Variants in CRADD observed in about 807,000 individuals in gnomAD.
CRADD encodes the protein death domain-containing protein CRADD.
Under a neutral mutation model 15.5 loss-of-function variants are expected in CRADD, and 9 were observed. The observed-to-expected ratio is 0.58, with a 90% CI of 0.35 to 1.01. The LOEUF is 1.01. CRADD is among the 50% of genes least tolerant of loss of function. CRADD has a pLI of 0.02. For missense variants in CRADD, 227 were observed against 250.3 expected, an observed-to-expected ratio of 0.91 and a Z score of 0.63; for synonymous variants, 118 against 107.6, an observed-to-expected ratio of 1.10 and a Z score of -0.60.
chr12:93,839,528 G>A (rs1471169947), intron 2 of CRADD, among the ~76,000 whole-genome samples: 2 of 152,200 alleles, frequency 1.3e-5, no homozygotes, highest in African/African-American at 4.8e-5. Flanking sequence ...CTGCCAACTT[G>A]CTGGCCAGTA....
At chr12:93,782,577 G>A (rs1460391715) in intron 2 of CRADD, among the ~76,000 whole-genome samples, 2 of 149,580 alleles carry the variant, frequency 1.3e-5, no homozygotes, top group East Asian at 2.0e-4. Flanking sequence ...CTGGGCAACA[G>A]CGAGACTCCG....
At chr12:93,748,714 G>C (rs73220819) in intron 2 of CRADD, among the ~76,000 whole-genome samples, 2 of 152,362 alleles carry the variant, frequency 1.3e-5, no homozygotes, top group Non-Finnish European at 2.9e-5. Context: ...CTGACTGAGG[G>C]ATCCAGTCCC....
intron 2 of CRADD, among the ~76,000 whole-genome samples, chr12:93,679,704 A>G (rs1167985431): frequency 6.6e-6 from 1 of 152,218 alleles, no homozygotes; most frequent in East Asian, 1.9e-4. Flanking sequence ...GCCAGGTCAT[A>G]TCTCAGCCGT....
chr12:93,726,689 C>G (rs568022079), intron 2 of CRADD, among the ~76,000 whole-genome samples: 1 of 152,004 alleles, frequency 6.6e-6, no homozygotes, highest in South Asian at 2.1e-4. Flanking sequence ...TACTTTTTTC[C>G]TCATTTTTTT....
At chr12:93,794,422 A>G (rs1565916641) in intron 2 of CRADD, among the ~76,000 whole-genome samples, 1 of 152,074 alleles carries the variant, frequency 6.6e-6, no homozygotes, top group Non-Finnish European at 1.5e-5. Context: ...ATCTCAGTAA[A>G]TAACACTGTT....
At chr12:93,685,980 C>T (rs765841864) in intron 2 of CRADD, among the ~76,000 whole-genome samples, 4 of 149,432 alleles carry the variant, frequency 2.7e-5, no homozygotes, top group East Asian at 2.0e-4. Flanking sequence ...GGGACAAGAG[C>T]GAAACTTCGT....
intron 2 of CRADD, chr12:93,859,351 AG>A (rs1219174373): frequency 5.0e-5 from 23 of 455,860 alleles, no homozygotes; most frequent in Non-Finnish European, 8.8e-5. Context: ...ATGGGGAGGA[AG>A]GGAATCACCA....
At chr12:93,891,780 C>A (rs7957728) in intron 2 of CRADD, among the ~76,000 whole-genome samples, 49,586 of 151,984 alleles carry the variant, frequency 0.33, 8,318 homozygotes, top group African/African-American at 0.42. Context: ...ACTTGAATGC[C>A]GGTCAGATTT....
chr12:93,867,941 G>A (rs1028178572), intron 2 of CRADD, among the ~76,000 whole-genome samples: 3 of 152,174 alleles, frequency 2.0e-5, no homozygotes, highest in Non-Finnish European at 1.5e-5. Flanking sequence ...AACAGCAAAA[G>A]AGGACTTGAC....
intron 2 of CRADD, among the ~76,000 whole-genome samples, chr12:93,840,032 A>G (rs764564464): frequency 1.1e-4 from 17 of 152,208 alleles, no homozygotes; most frequent in Non-Finnish European, 2.2e-4. Context: ...CTTTATCTCC[A>G]TGGGATCCAC....
intron 2 of CRADD, among the ~76,000 whole-genome samples, chr12:93,750,944 C>T (rs1450170984): frequency 6.6e-6 from 1 of 152,166 alleles, no homozygotes; most frequent in Non-Finnish European, 1.5e-5. Flanking sequence ...GGGACTCTGT[C>T]TTTGTAGAAG....
chr12:93,872,921 A>G (rs1958433046), intron 2 of CRADD, among the ~76,000 whole-genome samples: 1 of 151,292 alleles, frequency 6.6e-6, no homozygotes, highest in Admixed American at 6.6e-5. Context: ...AAATTTTAGG[A>G]TTTTTTTTCT....
At chr12:93,699,573 A>G (rs959881299) in intron 2 of CRADD, among the ~76,000 whole-genome samples, 1 of 152,208 alleles carries the variant, frequency 6.6e-6, no homozygotes, top group Non-Finnish European at 1.5e-5. Flanking sequence ...TGTATTTTTT[A>G]CATCCCCCCA....
chr12:93,759,440 T>C (rs1956925787), intron 2 of CRADD, among the ~76,000 whole-genome samples: 1 of 152,160 alleles, frequency 6.6e-6, no homozygotes, highest in South Asian at 2.1e-4. Flanking sequence ...AAAAATCTTC[T>C]CTTAGATTCT....
chr12:93,772,177 G>C (rs149873134), intron 2 of CRADD, among the ~76,000 whole-genome samples: 132 of 152,306 alleles, frequency 8.7e-4, no homozygotes, highest in African/African-American at 3.0e-3. Flanking sequence ...TGACTGTTCA[G>C]AGTGTGTTTG....
chr12:93,678,867 C>T lies in CRADD; in HGVS notation c.93C>T (p.Tyr31=). Residue 31 remains tyrosine, a synonymous_variant, in exon 2 of 3, where the codon TAC becomes TAT. Coordinates refer to ENST00000332896, the MANE Select transcript of CRADD (RefSeq NM_003805.5). ...LVEGLVLQYL[Y]QEGILTENHI... is the part of the protein sequence containing the mutation. ...AGGGACTGGTTCTTCAGTACCTCTACCAGGAAGGAATCTTGACGGAAAACC... is the reference window on the plus strand; with the variant it reads ...AGGGACTGGTTCTTCAGTACCTCTATCAGGAAGGAATCTTGACGGAAAACC... 6.2e-7 allele frequency: 1 copy of T among 1,614,174 alleles called. No homozygotes were observed. The highest frequency in any genetic ancestry group is 8.5e-7 in the Non-Finnish European group (1 of 1,180,022).
intron 2 of CRADD, among the ~76,000 whole-genome samples, chr12:93,863,103 C>G (rs548856756): frequency 6.6e-6 from 1 of 152,052 alleles, no homozygotes; most frequent in East Asian, 1.9e-4. Context: ...GACTTGTATC[C>G]TTGCAAAATA....
chr12:93,845,983 C>G (rs1035673515), intron 2 of CRADD, among the ~76,000 whole-genome samples: 5 of 150,904 alleles, frequency 3.3e-5, no homozygotes, highest in African/African-American at 1.2e-4. Context: ...ATTCTGCTTT[C>G]TGTATCTGAA....
intron 2 of CRADD, among the ~76,000 whole-genome samples, chr12:93,820,411 CG>C (rs1565926731): frequency 6.6e-6 from 1 of 151,892 alleles, no homozygotes; most frequent in Non-Finnish European, 1.5e-5. Flanking sequence ...TAGCTGGGCA[CG>C]GTGGTTGGCA....
Sources: gnomAD v4.1 joint callset for allele counts (sites outside exome capture counted in the v4.1 genomes callset) on GRCh38, gnomAD v4.1.1 for gene constraint, MANE v1.5 for transcripts, NCBI Gene and HGNC (gene_info 2026-07-23, HGNC 2026-07-21) for gene names.